Variants in ADCK1 observed in about 807,000 individuals in gnomAD.
ADCK1 encodes aarF domain containing kinase 1.
Under a neutral mutation model 52.3 loss-of-function variants are expected in ADCK1, and 41 were observed. That is an observed-to-expected ratio of 0.78 (90% CI 0.61 to 1.02). ADCK1 has a LOEUF of 1.02. Among genes scored for constraint, ADCK1 ranks in the 50% least tolerant of loss-of-function variants. The pLI is 0.00. For missense variants in ADCK1, 658 were observed against 679.5 expected, an observed-to-expected ratio of 0.97 and a Z score of 0.35; for synonymous variants, 250 against 274.6, an observed-to-expected ratio of 0.91 and a Z score of 0.89.
chr14:77,804,487 T>G (rs572084576), intron 1 of ADCK1, among the ~76,000 whole-genome samples: 55 of 152,178 alleles, frequency 3.6e-4, no homozygotes, highest in Non-Finnish European at 6.5e-4. Context: ...TTGTGTCTGC[T>G]TCGCTGTTAC....
At chr14:77,839,813 G>T (rs1409132842) in intron 3 of ADCK1, among the ~76,000 whole-genome samples, 2 of 150,778 alleles carry the variant, frequency 1.3e-5, no homozygotes, top group African/African-American at 4.9e-5. Flanking sequence ...CAGCTACTTG[G>T]GAGGCTGAGG....
intron 3 of ADCK1, among the ~76,000 whole-genome samples, chr14:77,852,909 T>TATA (rs56396469): frequency 3.9e-3 from 77 of 19,786 alleles, no homozygotes; most frequent in African/African-American, 6.8e-3. Context: ...ATATATATAT[T>TATA]TTTTTTTTTT....
At chr14:77,887,662 AAATG>A (rs1430658824) in intron 5 of ADCK1, among the ~76,000 whole-genome samples, 1 of 152,238 alleles carries the variant, frequency 6.6e-6, no homozygotes, top group African/African-American at 2.4e-5. Flanking sequence ...AGGGATATAA[AAATG>A]ACATACAGAT....
At chr14:77,811,264 C>G (rs534438882) in intron 1 of ADCK1, among the ~76,000 whole-genome samples, 1 of 151,962 alleles carries the variant, frequency 6.6e-6, no homozygotes, top group Admixed American at 6.6e-5. Flanking sequence ...ATAGCATCTG[C>G]CACTCTTGAG....
intron 4 of ADCK1, among the ~76,000 whole-genome samples, chr14:77,860,645 G>A (rs548913226): frequency 6.6e-6 from 1 of 152,284 alleles, no homozygotes; most frequent in East Asian, 1.9e-4. Context: ...ACTGTGGCTG[G>A]AGTCAGGGAG....
chr14:77,852,905 A>ATTTT (rs1566668044), intron 3 of ADCK1, among the ~76,000 whole-genome samples: 14 of 28,448 alleles, frequency 4.9e-4, no homozygotes, highest in Non-Finnish European at 7.7e-4. Context: ...ATATATATAT[A>ATTTT]TATTTTTTTT....
intron 4 of ADCK1, among the ~76,000 whole-genome samples, chr14:77,877,649 A>G (rs996196329): frequency 6.6e-6 from 1 of 152,070 alleles, no homozygotes; most frequent in Admixed American, 6.5e-5. Flanking sequence ...CTCCTTATTC[A>G]TGGTTCACAC....
intron 3 of ADCK1, among the ~76,000 whole-genome samples, chr14:77,843,188 A>G (rs2364742): frequency 0.98 from 149,839 of 152,238 alleles, 73,758 homozygotes; most frequent in East Asian, 1. Context: ...AACCTTGTCT[A>G]GCCAGAGTTT....
intron 4 of ADCK1, among the ~76,000 whole-genome samples, chr14:77,883,209 G>A (rs180946457): frequency 5.3e-5 from 8 of 152,102 alleles, no homozygotes; most frequent in East Asian, 3.9e-4. Context: ...GACCCAGAGC[G>A]GGGGAAAAAA....
chr14:77,809,826 G>A (rs1180829702), intron 1 of ADCK1, among the ~76,000 whole-genome samples: 1 of 151,476 alleles, frequency 6.6e-6, no homozygotes, highest in Non-Finnish European at 1.5e-5. Context: ...CCTGAGGCCA[G>A]GAGTTCGAGA....
intron 3 of ADCK1, among the ~76,000 whole-genome samples, chr14:77,832,284 G>A (rs1437954834): frequency 6.6e-6 from 1 of 152,196 alleles, no homozygotes; most frequent in Admixed American, 6.5e-5. Context: ...CACCTGGCCA[G>A]TGATGTGATT....
At chr14:77,911,219 C>T (rs2083783778) in intron 7 of ADCK1, among the ~76,000 whole-genome samples, 1 of 152,214 alleles carries the variant, frequency 6.6e-6, no homozygotes, top group Non-Finnish European at 1.5e-5. Flanking sequence ...CCGTATCACA[C>T]AGCTAGCAGG....
intron 7 of ADCK1, among the ~76,000 whole-genome samples, chr14:77,914,854 C>A (rs1257795262): frequency 6.6e-6 from 1 of 152,144 alleles, no homozygotes; most frequent in African/African-American, 2.4e-5. Flanking sequence ...CTCTTTGCTC[C>A]CCTTCCTGCC....
chr14:77,931,463 C>G, intron 9 of ADCK1, 55 bp from the exon 10 acceptor site: 1 of 1,563,980 alleles, frequency 6.4e-7, no homozygotes, highest in Non-Finnish European at 8.7e-7. Flanking sequence ...CCTGCCACCC[C>G]TGGCCCCACT....
intron 6 of ADCK1, 65 bp downstream of exon 6, chr14:77,899,323 C>T (rs2083479922): frequency 6.3e-7 from 1 of 1,583,950 alleles, no homozygotes; most frequent in Non-Finnish European, 8.6e-7. Context: ...TATGTGGGTC[C>T]CTGCCTTGAG....
In ADCK1 at chr14:77,857,539, T is replaced by C. The variant is rs186803184; in HGVS notation, c.220-1537T>C. Among the ~76,000 whole-genome samples, 44 of 152,316 alleles carry C rather than the reference T, an allele frequency of 2.9e-4. No individual in the cohort carries two copies. The East Asian group carries it at 8.1e-3, about 28-fold the overall frequency. ...TCATCCTCTGCCTGCCCAACACCCA[T>C]ACTGGCTGGTTTGTTATCTGTTTTT... On this transcript the variant is annotated intron_variant, in intron 3 of 10. Transcript: ENST00000238561.
chr14:77,854,352 G>C (rs11848358), intron 3 of ADCK1, among the ~76,000 whole-genome samples: 1 of 152,070 alleles, frequency 6.6e-6, no homozygotes, highest in African/African-American at 2.4e-5. Flanking sequence ...ACATTTGTGT[G>C]TATCAATGTG....
chr14:77,835,452 C>G (rs2081941097), intron 3 of ADCK1, among the ~76,000 whole-genome samples: 1 of 152,308 alleles, frequency 6.6e-6, no homozygotes, highest in Middle Eastern at 3.4e-3. Context: ...AGCCAAATGT[C>G]CTTCACCCAG....
chr14:77,811,339 C>CT (rs2081334667), intron 1 of ADCK1, among the ~76,000 whole-genome samples: 3 of 152,152 alleles, frequency 2.0e-5, no homozygotes, highest in Admixed American at 6.6e-5. Context: ...CCCACCACTC[C>CT]ATCAAGCAGG....
Sources: allele counts gnomAD v4.1 joint callset (sites outside exome capture counted in the v4.1 genomes callset), GRCh38; gene constraint gnomAD v4.1.1; transcripts MANE v1.5; gene names NCBI Gene and HGNC (gene_info 2026-07-23, HGNC 2026-07-21).